Variants in ZKSCAN1 observed in about 807,000 individuals in gnomAD.
ZKSCAN1 encodes zinc finger protein with KRAB and SCAN domains 1.
A neutral mutation model predicts 51.6 loss-of-function variants in ZKSCAN1; 14 were observed. The observed-to-expected ratio is 0.27, with a 90% CI of 0.18 to 0.42. The LOEUF is 0.42. Ranked by LOEUF, ZKSCAN1 falls within the 10% of genes least tolerant of loss-of-function variation. ZKSCAN1 has a pLI of 1.00. For missense variants in ZKSCAN1, 531 were observed against 710.0 expected (o/e 0.75, Z 2.86); for synonymous variants, 263 against 261.5 (o/e 1.01, Z -0.06).
At position 100,033,240 on chromosome 7, in the gene ZKSCAN1, C is replaced by T. The variant is rs925683792; in HGVS notation, c.800-65C>T. The T allele has an allele frequency of 2.0e-5, 30 of 1,496,004 alleles. No individual in the cohort carries two copies. In the East Asian group the frequency reaches 6.2e-4, roughly 31 times the overall value. The allele number at this position is 1,496,004 out of a possible 1,614,324, so 92.7% of individuals were successfully genotyped here. ...GTGTAGAAGCTTCTCGGGAAACTGT[C>T]GCTTGACCCACCTGTATATTCAAAA... is the stretch of plus-strand genomic sequence containing the variant. On this transcript the variant is annotated intron_variant, in intron 5 of 5. Coordinates refer to ENST00000324306, the MANE Select transcript of ZKSCAN1 (RefSeq NM_003439.4). This position sits in a 1 kb window ranked among gnomAD's most constrained non-coding sequence, Gnocchi z 4.1.
chr7:100,038,440 G>A lies in ZKSCAN1; in HGVS notation c.*4243G>A. 1.0e-6 allele frequency: 1 copy of A among 985,418 alleles called. No homozygotes were observed. Among genetic ancestry groups the A allele is most frequent in the Non-Finnish European group, 1.2e-6 (1 of 829,920 alleles). 61.0% of individuals were successfully genotyped at this position (985,418 alleles called of 1,614,324 possible). A position where few individuals can be genotyped will look rare whatever the true frequency, so the allele number is the denominator to read the frequency against. ...TTGGTAAATTTCTGAGGAAAGACAG[G>A]CTAATGGGGCACTGAAATGGAACAA... On this transcript the variant is annotated 3_prime_UTR_variant, in exon 6 of 6. Transcript: ENST00000324306.
In ZKSCAN1 at chr7:100,033,635, A is replaced by G; in HGVS notation, c.1130A>G (p.His377Arg). Residue 377 changes from histidine to arginine, a missense_variant, in exon 6 of 6, where the codon CAC becomes CGC. Physicochemically the swap from His to Arg is conservative, Grantham distance 29. Coordinates refer to ENST00000324306, the MANE Select transcript of ZKSCAN1 (RefSeq NM_003439.4). This position sits in a 1 kb window ranked among gnomAD's most constrained non-coding sequence, Gnocchi z 4.1. The part of the protein sequence containing the change: ...PEEVPTGTKS[H>R]RCDECGKCFT... ...GAAGTTCCCACGGGAACAAAGTCTC[A>G]CAGATGTGATGAATGTGGTAAATGC... The G allele has an allele frequency of 6.2e-7, 1 of 1,614,140 alleles. No homozygotes were observed. The highest frequency in any genetic ancestry group is 8.5e-7 in the Non-Finnish European group (1 of 1,179,958).
chr7:100,030,335 G>C lies in ZKSCAN1; in HGVS notation c.759G>C (p.Arg253Ser). The C allele has an allele frequency of 6.2e-7, 1 of 1,614,112 alleles. No homozygotes were observed. Among genetic ancestry groups the C allele is most frequent in the Admixed American group, 1.7e-5 (1 of 59,998 alleles). The change falls in exon 5 of 6, where the codon AGG (arginine) becomes AGC (serine). Residue 253 changes from arginine to serine, a missense_variant. Arg to Ser is a moderately radical substitution (Grantham distance 110). Coordinates refer to ENST00000324306, the MANE Select transcript of ZKSCAN1 (RefSeq NM_003439.4). ...ATCTGGCTCGGAGGAATCTCAGTAG[G>C]GACAACAGGCAGGAGAATTATGGGA... ...CQNLARRNLS[R>S]DNRQENYGSA...
In ZKSCAN1 at chr7:100,037,721, AG is replaced by A; in HGVS notation, c.*3527del. On this transcript the variant is annotated 3_prime_UTR_variant, in exon 6 of 6. Coordinates refer to ENST00000324306, the MANE Select transcript of ZKSCAN1 (RefSeq NM_003439.4). ...TGATGAATTTGAGAAACATTGCAAG[AG>A]GGAGCTCAATCTTGGCCGGGCGCCG... 1 of 985,484 alleles carries A rather than the reference AG, an allele frequency of 1.0e-6. No individual in the cohort carries two copies. The highest frequency in any genetic ancestry group is 1.2e-6 in the Non-Finnish European group (1 of 829,958). The allele number at this position is 985,484 out of a possible 1,614,324, so 61.0% of individuals were successfully genotyped here. A position where few individuals can be genotyped will look rare whatever the true frequency, so the allele number is the denominator to read the frequency against.
chr7:100,030,571 G>C (rs911372023), intron 5 of ZKSCAN1, among the ~76,000 whole-genome samples, 196 bp downstream of exon 5: 1 of 152,124 alleles, frequency 6.6e-6, no homozygotes, highest in Non-Finnish European at 1.5e-5. Flanking sequence ...GATTCCAGGT[G>C]GGTTTTTTAT....
intron 1 of ZKSCAN1, among the ~76,000 whole-genome samples, chr7:100,020,006 C>T (rs757033524): frequency 1.3e-5 from 2 of 152,152 alleles, no homozygotes; most frequent in Non-Finnish European, 2.9e-5. Flanking sequence ...CTCAGCCTCT[C>T]AGTTCTTTAT....
chr7:100,025,450 T>G (rs1217234328), intron 3 of ZKSCAN1, among the ~76,000 whole-genome samples: 3 of 152,158 alleles, frequency 2.0e-5, no homozygotes, highest in African/African-American at 7.2e-5. Flanking sequence ...CACAGTCATA[T>G]AAATAAAAAG....
chr7:100,045,264 C>T (rs969106480), downstream of ZKSCAN1, among the ~76,000 whole-genome samples: 14 of 151,170 alleles, frequency 9.3e-5, no homozygotes, highest in African/African-American at 3.2e-4. Flanking sequence ...AAAATAGGTG[C>T]GGTGCGGGTG....
downstream of ZKSCAN1, among the ~76,000 whole-genome samples, chr7:100,045,296 C>G (rs1791689770): frequency 2.0e-5 from 3 of 151,646 alleles, no homozygotes; most frequent in Admixed American, 2.0e-4. Context: ...GCCTGTAATC[C>G]CAGCACTTTA....
chr7:100,034,547 A>T lies in ZKSCAN1; in HGVS notation c.*350A>T. ...ACCACAACATAATAGTTGAAAGATC[A>T]AGATTGGCTCCACGAAAGTGATACG... On this transcript the variant is annotated 3_prime_UTR_variant, in exon 6 of 6. Coordinates refer to ENST00000324306, the MANE Select transcript of ZKSCAN1 (RefSeq NM_003439.4). 9.8e-7 allele frequency: 1 copy of T among 1,019,042 alleles called. No individual in the cohort carries two copies. Among genetic ancestry groups the T allele is most frequent in the Non-Finnish European group, 1.2e-6 (1 of 851,794 alleles). The allele number at this position is 1,019,042 out of a possible 1,614,324, so 63.1% of individuals were successfully genotyped here.
In ZKSCAN1 at chr7:100,033,604, C is replaced by A. The variant is rs536998530; in HGVS notation, c.1099C>A (p.Pro367Thr). 51 of 1,614,144 alleles carry A rather than the reference C, an allele frequency of 3.2e-5. No homozygotes were observed. The South Asian group carries it at 5.1e-4, about 16-fold the overall frequency. The stretch of plus-strand genomic sequence containing the variant: ...CAGTCTGAGCTCCAACTTCACCACC[C>A]CTGAAGAAGTTCCCACGGGAACAAA... ...SFSLSSNFTT[P>T]EEVPTGTKSH... The change falls in exon 6 of 6, where the codon CCT (proline) becomes ACT (threonine). Residue 367 changes from proline (P) to threonine (T), a missense_variant. Around this residue, in one of 2 missense-constraint regions of ZKSCAN1, gnomAD observed 403 missense variants for 490.5 expected, o/e 0.82. Coordinates refer to ENST00000324306, the MANE Select transcript of ZKSCAN1 (RefSeq NM_003439.4). This position sits in a 1 kb window ranked among gnomAD's most constrained non-coding sequence, Gnocchi z 4.1.
In ZKSCAN1 at chr7:100,030,265, A is replaced by G; in HGVS notation, c.689A>G (p.Glu230Gly). ...TTATTTTAGGCAATGGTGAAGATCGAGGACATGGCTGTGTCCCTCATTCTG... is the reference window on the plus strand; with the variant it reads ...TTATTTTAGGCAATGGTGAAGATCGGGGACATGGCTGTGTCCCTCATTCTG... ...TADSQAMVKI[E>G]DMAVSLILEE... The change falls in exon 5 of 6, where the codon GAG becomes GGG. Residue 230 changes from glutamate (E) to glycine (G), a missense_variant. By Grantham distance (98) the Glu-to-Gly change is moderately conservative. This residue lies in a region of ZKSCAN1 where 403 missense variants were observed against 490.5 expected (regional missense o/e 0.82). Transcript: ENST00000324306. 2 of 1,610,408 alleles carry G rather than the reference A, an allele frequency of 1.2e-6. No individual in the cohort carries two copies. Among genetic ancestry groups the G allele is most frequent in the Non-Finnish European group, 1.7e-6 (2 of 1,178,242 alleles).
chr7:100,040,042 A>AT lies in ZKSCAN1; in HGVS notation c.*5851dup, dbSNP rs998030700. 13 of 874,682 alleles carry AT rather than the reference A, an allele frequency of 1.5e-5. No homozygotes were observed. In the African/African-American group the frequency reaches 2.4e-4, roughly 16 times the overall value. The allele number at this position is 874,682 out of a possible 1,614,324, so 54.2% of individuals were successfully genotyped here. A position where few individuals can be genotyped will look rare whatever the true frequency, so the allele number is the denominator to read the frequency against. ...TAAAAGCAATTATTTTGCTATTCAG[A>AT]TTTTTTATTATCTGAAAATGAAATT... On this transcript the variant is annotated 3_prime_UTR_variant, in exon 6 of 6. Transcript: ENST00000324306.
intron 3 of ZKSCAN1, among the ~76,000 whole-genome samples, chr7:100,026,302 G>A (rs763884109): frequency 1.1e-4 from 16 of 151,506 alleles, no homozygotes; most frequent in South Asian, 2.1e-4. Context: ...TTGCAGGACC[G>A]GAAGTTGCTC....
intron 1 of ZKSCAN1, among the ~76,000 whole-genome samples, chr7:100,020,648 T>C (rs1226374877): frequency 6.6e-6 from 1 of 152,136 alleles, no homozygotes; most frequent in African/African-American, 2.4e-5. Context: ...AGAGCAAGAC[T>C]CCGTTTCAAT....
chr7:100,044,066 C>G (rs186708252), downstream of ZKSCAN1, among the ~76,000 whole-genome samples: 1 of 152,032 alleles, frequency 6.6e-6, no homozygotes, highest in Non-Finnish European at 1.5e-5. Flanking sequence ...CGTGAGCCAC[C>G]GCTCCCAGCC....
chr7:100,038,872 G>T lies in ZKSCAN1; in HGVS notation c.*4675G>T, dbSNP rs1161362894. On this transcript the variant is annotated 3_prime_UTR_variant, in exon 6 of 6. Coordinates refer to ENST00000324306, the MANE Select transcript of ZKSCAN1 (RefSeq NM_003439.4). ...TAGCTGGGCGTGGTGGCGGGCGCCT[G>T]TAGTCCCAGCTACTCAGGAGGCTGA... is the stretch of plus-strand genomic sequence containing the variant. 4.4e-5 allele frequency: 15 copies of T among 337,174 alleles called. No homozygotes were observed. Among genetic ancestry groups the T allele is most frequent in the Non-Finnish European group, 5.5e-5 (13 of 237,760 alleles). The allele number at this position is 337,174 out of a possible 1,614,324, so 20.9% of individuals were successfully genotyped here. A position where few individuals can be genotyped will look rare whatever the true frequency, so the allele number is the denominator to read the frequency against.
Position 100,040,806 on chromosome 7 carries a change from C to CT in ZKSCAN1, c.*6614dup, listed in dbSNP as rs1791563139. 6 of 985,330 alleles carry CT rather than the reference C, an allele frequency of 6.1e-6. No homozygotes were observed. In the South Asian group the frequency reaches 2.3e-4, roughly 39 times the overall value. The allele number at this position is 985,330 out of a possible 1,614,324, so 61.0% of individuals were successfully genotyped here. A position where few individuals can be genotyped will look rare whatever the true frequency, so the allele number is the denominator to read the frequency against. On this transcript the variant is annotated 3_prime_UTR_variant, in exon 6 of 6. Coordinates refer to ENST00000324306, the MANE Select transcript of ZKSCAN1 (RefSeq NM_003439.4). Reference sequence around the variant, plus strand: ...TCAACCAGAGAAGAGCATCCGGTTGCTTTTTAAAGCTTTTAGCCTGCCCTA... The same window carrying CT: ...TCAACCAGAGAAGAGCATCCGGTTGCTTTTTTAAAGCTTTTAGCCTGCCCTA...
chr7:100,033,908 A>G lies in ZKSCAN1; in HGVS notation c.1403A>G (p.Lys468Arg). The change falls in exon 6 of 6, where the codon AAG becomes AGG. Residue 468 changes from lysine (K) to arginine (R), a missense_variant. Around this residue, in one of 2 missense-constraint regions of ZKSCAN1, gnomAD observed 128 missense variants for 219.5 expected, o/e 0.58. Coordinates refer to ENST00000324306, the MANE Select transcript of ZKSCAN1 (RefSeq NM_003439.4). The surrounding 1 kb of genome is among the most constrained non-coding windows in gnomAD (Gnocchi z 4.1). The part of the protein sequence containing the change: ...EKPYECNECG[K>R]AFSQSSDLTK... ...CCTTATGAATGTAATGAGTGCGGGAAGGCCTTCAGCCAGAGCTCGGACCTC... is the reference window on the plus strand; with the variant it reads ...CCTTATGAATGTAATGAGTGCGGGAGGGCCTTCAGCCAGAGCTCGGACCTC... 1 of 1,614,244 alleles carries G rather than the reference A, an allele frequency of 6.2e-7. No individual in the cohort carries two copies. The highest frequency in any genetic ancestry group is 8.5e-7 in the Non-Finnish European group (1 of 1,180,046).
Sources: gnomAD v4.1 joint callset for allele counts (sites outside exome capture counted in the v4.1 genomes callset) on GRCh38, gnomAD v4.1.1 for gene constraint, gnomAD v4.1.1 regional missense constraint, Gnocchi (gnomAD v3.1) non-coding constraint, MANE v1.5 for transcripts, NCBI Gene and HGNC (gene_info 2026-07-23, HGNC 2026-07-21) for gene names.